The following CHST9 variants were observed in gnomAD, a reference collection of about 807,000 sequenced individuals.
The protein encoded by CHST9 is carbohydrate sulfotransferase 9.
In CHST9, 41 loss-of-function variants were observed where a neutral mutation model predicts 44.4. The observed-to-expected ratio is 0.92, with a 90% CI of 0.72 to 1.20. The LOEUF (loss-of-function observed/expected upper bound fraction) is 1.20, where lower values mean the gene tolerates loss of function less well. Ranked by LOEUF, CHST9 falls within the 50% of genes most tolerant of loss-of-function variation. CHST9 has a pLI of 0.00. For missense variants in CHST9, 504 were observed against 516.5 expected (o/e 0.98, Z 0.23); for synonymous variants, 171 against 178.4 (o/e 0.96, Z 0.33).
intron 2 of CHST9, among the ~76,000 whole-genome samples, chr18:27,092,669 G>T (rs2058080648): frequency 6.6e-6 from 1 of 152,128 alleles, no homozygotes; most frequent in Non-Finnish European, 1.5e-5. Context: ...TTGTTTCAAA[G>T]AACATCTTTA....
At chr18:27,067,110 C>T (rs934622879) in intron 2 of CHST9, among the ~76,000 whole-genome samples, 2 of 152,044 alleles carry the variant, frequency 1.3e-5, no homozygotes, top group African/African-American at 4.8e-5. Context: ...TTTATTATTG[C>T]ACCACCCAAT....
chr18:26,963,180 T>A (rs2056421956), intron 4 of CHST9, among the ~76,000 whole-genome samples: 1 of 152,152 alleles, frequency 6.6e-6, no homozygotes, highest in Non-Finnish European at 1.5e-5. Flanking sequence ...TCAGTCTGCC[T>A]CTCAACATAG....
At chr18:27,088,763 G>A (rs1377310941) in intron 2 of CHST9, among the ~76,000 whole-genome samples, 1 of 152,160 alleles carries the variant, frequency 6.6e-6, no homozygotes, top group African/African-American at 2.4e-5. Flanking sequence ...ATCTACTCAA[G>A]CTGCTAGTAA....
intron 4 of CHST9, among the ~76,000 whole-genome samples, chr18:26,999,093 A>G (rs1245743577): frequency 6.6e-6 from 1 of 152,230 alleles, no homozygotes; most frequent in Non-Finnish European, 1.5e-5. Context: ...GTACTAAATT[A>G]GGATGGACAG....
At chr18:27,154,745 T>C (rs75582098) in intron 1 of CHST9, among the ~76,000 whole-genome samples, 257 of 152,224 alleles carry the variant, frequency 1.7e-3, no homozygotes, top group Middle Eastern at 6.8e-3. Flanking sequence ...TGAATTCAAA[T>C]CACAACTTGA....
Position 27,072,712 on chromosome 18 carries a change from C to T in CHST9, c.122-24209G>A, listed in dbSNP as rs9946035. ...CTAACAGATACAAAAGGCTTTGTTG[C>T]TCCAGTAATCCAAGCCTTGGCAGAA... On this transcript the variant is annotated intron_variant, in intron 2 of 5. Coordinates refer to ENST00000618847, the MANE Select transcript of CHST9 (RefSeq NM_031422.6). 7.3e-3 allele frequency among the ~76,000 whole-genome samples: 1,106 copies of T among 152,266 alleles called. 15 individuals carry two copies. The highest frequency in any genetic ancestry group is 0.026 in the African/African-American group (1,061 of 41,556).
At chr18:26,932,684 A>G (rs1341832866) in intron 5 of CHST9, among the ~76,000 whole-genome samples, 1 of 152,142 alleles carries the variant, frequency 6.6e-6, no homozygotes, top group Non-Finnish European at 1.5e-5. Flanking sequence ...TACATTGAAG[A>G]AGAACATTTA....
intron 2 of CHST9, among the ~76,000 whole-genome samples, chr18:27,054,592 T>C (rs1397917377): frequency 6.6e-6 from 1 of 152,218 alleles, no homozygotes; most frequent in African/African-American, 2.4e-5. Context: ...GTTGTGGATA[T>C]TGTTTCATGG....
intron 3 of CHST9, among the ~76,000 whole-genome samples, chr18:27,044,594 TG>T (rs141220126): frequency 0.032 from 4,866 of 152,134 alleles, 288 homozygotes; most frequent in African/African-American, 0.11. Context: ...GTCTTCTACC[TG>T]CTAACTTCAT....
chr18:27,066,006 G>A (rs762042489), intron 2 of CHST9, among the ~76,000 whole-genome samples: 8 of 152,106 alleles, frequency 5.3e-5, no homozygotes, highest in Admixed American at 1.3e-4. Context: ...GGTGATAACC[G>A]GAAGAGCTTA....
At chr18:26,946,098 A>ATT (rs1038015940) in intron 4 of CHST9, among the ~76,000 whole-genome samples, 3 of 152,060 alleles carry the variant, frequency 2.0e-5, no homozygotes, top group African/African-American at 7.2e-5. Flanking sequence ...AATTTTCTTC[A>ATT]TTTTTTTAAG....
chr18:27,113,486 T>C (rs2058292796), intron 2 of CHST9, among the ~76,000 whole-genome samples: 1 of 152,192 alleles, frequency 6.6e-6, no homozygotes, highest in South Asian at 2.1e-4. Context: ...TGAATGTTTG[T>C]GTCCCCCTAA....
chr18:27,113,526 G>A (rs559199070), intron 2 of CHST9, among the ~76,000 whole-genome samples: 25 of 152,196 alleles, frequency 1.6e-4, no homozygotes, highest in Admixed American at 8.5e-4. Context: ...TAACCCCAAG[G>A]CCTTGGGAGG....
rs1227182461 is a variant in CHST9, at chr18:26,907,736, T to C, written c.*8523A>G. 6.5e-6 allele frequency: 1 copy of C among 153,268 alleles called. No individual in the cohort carries two copies. The highest frequency in any genetic ancestry group is 1.5e-5 in the Non-Finnish European group (1 of 68,856). The allele number at this position is 153,268 out of a possible 1,614,324, so 9.5% of individuals were successfully genotyped here. ...TCCATGTGGCTGGATAATAGTGGGT[T>C]TGATGCAGCTATCAGGTGATTAAGC... On this transcript the variant is annotated 3_prime_UTR_variant, in exon 6 of 6. Transcript: ENST00000618847.
At chr18:26,982,431 T>C (rs2056702984) in intron 4 of CHST9, among the ~76,000 whole-genome samples, 1 of 151,856 alleles carries the variant, frequency 6.6e-6, no homozygotes, top group African/African-American at 2.4e-5. Context: ...GCTGTTTCTC[T>C]AGCAAAAACA....
At chr18:26,999,486 A>AT (rs144246100) in intron 4 of CHST9, among the ~76,000 whole-genome samples, 1 of 152,252 alleles carries the variant, frequency 6.6e-6, no homozygotes, top group East Asian at 1.9e-4. Flanking sequence ...CATGATAATG[A>AT]TTTTTAGTCC....
chr18:26,994,744 G>T (rs1387448071), intron 4 of CHST9, among the ~76,000 whole-genome samples: 1 of 151,758 alleles, frequency 6.6e-6, no homozygotes. Flanking sequence ...GTGTATCACC[G>T]CACCCAGCTA....
At chr18:26,974,834 C>T (rs542822752) in intron 4 of CHST9, among the ~76,000 whole-genome samples, 11 of 152,214 alleles carry the variant, frequency 7.2e-5, no homozygotes, top group Admixed American at 1.3e-4. Flanking sequence ...CCACCACGCC[C>T]GGCTAAATTT....
intron 3 of CHST9, 29 bp from the exon 4 acceptor site, chr18:27,024,186 T>G (rs758181644): frequency 6.3e-7 from 1 of 1,593,940 alleles, no homozygotes. Flanking sequence ...GAAATTCATA[T>G]ATTACCATCA....
Sources: gnomAD v4.1 joint callset for allele counts (sites outside exome capture counted in the v4.1 genomes callset) on GRCh38, gnomAD v4.1.1 for gene constraint, MANE v1.5 for transcripts, NCBI Gene and HGNC (gene_info 2026-07-23, HGNC 2026-07-21) for gene names.